Variants in IQGAP2 observed in about 807,000 individuals in gnomAD.
IQGAP2 encodes the protein IQ motif containing GTPase activating protein 2.
In IQGAP2, 173 loss-of-function variants were observed where a neutral mutation model predicts 201.3. The observed-to-expected ratio is 0.86, with a 90% confidence interval of 0.76 to 0.98. The LOEUF is 0.98. Ranked by LOEUF, IQGAP2 falls within the 50% of genes least tolerant of loss-of-function variation. IQGAP2 has a pLI of 0.00. For synonymous variants in IQGAP2, 675 were observed against 673.9 expected, an observed-to-expected ratio of 1.00 and a Z score of -0.03; for missense variants, 1,687 against 1,864.8, an observed-to-expected ratio of 0.90 and a Z score of 1.76.
chr5:76,627,541 G>T, intron 14 of IQGAP2, 41 bp downstream of exon 14: 1 of 1,120,118 alleles, frequency 8.9e-7, no homozygotes, highest in Non-Finnish European at 1.4e-6. Flanking sequence ...TTGCCTTTTT[G>T]GATTTGGTTA....
In IQGAP2 at chr5:76,575,715, A is replaced by G. The variant is rs1474784183; in HGVS notation, c.404A>G (p.Asp135Gly). 1 of 1,589,480 alleles carries G rather than the reference A, an allele frequency of 6.3e-7. No homozygotes were observed. Among genetic ancestry groups the G allele is most frequent in the East Asian group, 2.3e-5 (1 of 44,112 alleles). The change falls in exon 5 of 36, where the codon GAT becomes GGT. Residue 135 changes from aspartate to glycine, a missense_variant. By Grantham distance (94) the Asp-to-Gly change is moderately conservative. Coordinates refer to ENST00000274364, the MANE Select transcript of IQGAP2 (RefSeq NM_006633.5). Reference protein sequence around the residue: ...LPKIFYPETTDVYDRKNIPRM... With the variant: ...LPKIFYPETTGVYDRKNIPRM... ...CAGATATTTTATCCAGAAACAACAG[A>G]TGTCTATGATCGGAAAAACATACCA... is the stretch of plus-strand genomic sequence containing the variant.
intron 2 of IQGAP2, among the ~76,000 whole-genome samples, chr5:76,543,036 T>G (rs1053896363): frequency 6.6e-6 from 1 of 152,312 alleles, no homozygotes; most frequent in Admixed American, 6.5e-5. Flanking sequence ...TGTAGCTGTT[T>G]AGATTGTGAA....
intron 2 of IQGAP2, among the ~76,000 whole-genome samples, chr5:76,508,210 T>C (rs1757729969): frequency 2.0e-5 from 3 of 149,818 alleles, no homozygotes; most frequent in African/African-American, 7.4e-5. Flanking sequence ...GGCACATGAC[T>C]ATAATCCCAG....
intron 20 of IQGAP2, among the ~76,000 whole-genome samples, chr5:76,657,230 C>T (rs1443291358): frequency 6.6e-6 from 1 of 152,208 alleles, no homozygotes. Flanking sequence ...GAGAGGCAGC[C>T]ATCAACTCTG....
At chr5:76,581,153 G>A (rs892464194) in intron 5 of IQGAP2, among the ~76,000 whole-genome samples, 2 of 152,194 alleles carry the variant, frequency 1.3e-5, no homozygotes, top group African/African-American at 2.4e-5. Flanking sequence ...AGTTTGTCTA[G>A]CCAGCTCCCA....
chr5:76,626,486 G>T (rs1750248346), intron 13 of IQGAP2, among the ~76,000 whole-genome samples: 1 of 151,846 alleles, frequency 6.6e-6, no homozygotes, highest in African/African-American at 2.4e-5. Context: ...GGCCAGGCTG[G>T]TCTCGAACTC....
At chr5:76,610,068 CTCTCTCTCTATATATATATATA>C (rs1561505860) in intron 12 of IQGAP2, among the ~76,000 whole-genome samples, 1 of 4,810 alleles carries the variant, frequency 2.1e-4, no homozygotes, top group African/African-American at 6.0e-4. Flanking sequence ...CTCTCTCTCT[CTCTCTCTCTATATATATATATA>C]TATATATATA....
intron 2 of IQGAP2, among the ~76,000 whole-genome samples, chr5:76,514,999 T>C (rs975969987): frequency 2.0e-5 from 3 of 152,254 alleles, no homozygotes; most frequent in Non-Finnish European, 2.9e-5. Flanking sequence ...CTGATATGTT[T>C]CTGACATTAG....
intron 2 of IQGAP2, among the ~76,000 whole-genome samples, chr5:76,478,529 T>A (rs1301762215): frequency 6.6e-6 from 1 of 151,916 alleles, no homozygotes; most frequent in Non-Finnish European, 1.5e-5. Context: ...CCTCAAGTGA[T>A]CCGCCCACCT....
chr5:76,662,486 T>G (rs763704190), intron 21 of IQGAP2, among the ~76,000 whole-genome samples: 21 of 152,138 alleles, frequency 1.4e-4, no homozygotes, highest in Non-Finnish European at 2.4e-4. Context: ...GTTTCTAGAG[T>G]GACCTCCACT....
rs7736606 is a variant in IQGAP2, at chr5:76,682,467, A to T, written c.3661-648A>T. Among the ~76,000 whole-genome samples the T allele has an allele frequency of 9.0e-3, 1,140 of 126,382 alleles. 11 individuals carry two copies. Among genetic ancestry groups the T allele is most frequent in the African/African-American group, 0.037 (1,069 of 29,246 alleles). The allele number at this position is 126,382 out of a possible 152,430, so 82.9% of individuals were successfully genotyped here. A position where few individuals can be genotyped will look rare whatever the true frequency, so the allele number is the denominator to read the frequency against. ...AACTCCATTAAAATTTGTTTAAATT[A>T]AAAAAAAAAAAAAAGTGTTGTCTTT... On this transcript the variant is annotated intron_variant, in intron 28 of 35. Transcript: ENST00000274364.
chr5:76,627,187 G>A (rs544265148), intron 13 of IQGAP2, among the ~76,000 whole-genome samples: 90 of 152,268 alleles, frequency 5.9e-4, no homozygotes, highest in South Asian at 1.4e-3. Context: ...GTCCAGTTGG[G>A]AGATGATGGG....
At chr5:76,598,906 A>C (rs1747225153) in intron 10 of IQGAP2, among the ~76,000 whole-genome samples, 1 of 152,224 alleles carries the variant, frequency 6.6e-6, no homozygotes, top group Non-Finnish European at 1.5e-5. Context: ...TATCCATACT[A>C]ATATTAAGTG....
intron 20 of IQGAP2, among the ~76,000 whole-genome samples, chr5:76,656,671 T>C (rs543234134): frequency 1.1e-4 from 17 of 152,146 alleles, no homozygotes; most frequent in South Asian, 6.2e-4. Context: ...ATGTTTTTTG[T>C]TTGTTTACTT....
At chr5:76,426,828 C>A (rs1319439612) in intron 1 of IQGAP2, among the ~76,000 whole-genome samples, 1 of 152,056 alleles carries the variant, frequency 6.6e-6, no homozygotes, top group Non-Finnish European at 1.5e-5. Flanking sequence ...AGGACAGGGC[C>A]CCTGCCCCTC....
intron 2 of IQGAP2, among the ~76,000 whole-genome samples, chr5:76,493,542 C>T (rs1175313045): frequency 2.0e-5 from 3 of 152,190 alleles, no homozygotes; most frequent in African/African-American, 4.8e-5. Flanking sequence ...TGACTGATTA[C>T]CTTCTGCCAT....
intron 13 of IQGAP2, among the ~76,000 whole-genome samples, chr5:76,626,680 G>A (rs1009064043): frequency 6.6e-6 from 1 of 152,118 alleles, no homozygotes; most frequent in African/African-American, 2.4e-5. Context: ...AAATATCGAC[G>A]ATCCCTGTGT....
intron 10 of IQGAP2, among the ~76,000 whole-genome samples, chr5:76,598,489 G>C (rs1013678019): frequency 6.6e-6 from 1 of 151,950 alleles, no homozygotes. Flanking sequence ...TCAATCAGAA[G>C]TAAAAAATAT....
intron 10 of IQGAP2, among the ~76,000 whole-genome samples, chr5:76,598,976 C>G (rs1303371314): frequency 6.6e-6 from 1 of 151,960 alleles, no homozygotes; most frequent in Non-Finnish European, 1.5e-5. Flanking sequence ...AAAGTGAAGT[C>G]AGTTATAAAG....
Sources: gnomAD v4.1 joint callset for allele counts (sites outside exome capture counted in the v4.1 genomes callset) on GRCh38, gnomAD v4.1.1 for gene constraint, MANE v1.5 for transcripts, NCBI Gene and HGNC (gene_info 2026-07-23, HGNC 2026-07-21) for gene names.